The following ATP9B variants were observed in gnomAD, a reference collection of about 807,000 sequenced individuals.
ATP9B encodes probable phospholipid-transporting ATPase IIB.
Under a neutral mutation model 146.1 loss-of-function variants are expected in ATP9B, and 110 were observed. The observed-to-expected ratio is 0.75, with a 90% CI of 0.65 to 0.88. The LOEUF is 0.88. Among genes scored for constraint, ATP9B ranks in the 40% least tolerant of loss-of-function variants. ATP9B has a pLI of 0.00. For synonymous variants in ATP9B, 604 were observed against 569.7 expected, an observed-to-expected ratio of 1.06 and a Z score of -0.86; for missense variants, 1,499 against 1,496.4, an observed-to-expected ratio of 1.00 and a Z score of -0.03.
In ATP9B at chr18:79,347,806, A is replaced by G. The variant is rs2096898626; in HGVS notation, c.2719A>G (p.Ile907Val). Residue 907 changes from isoleucine (I) to valine (V), a missense_variant, in exon 24 of 30, where the codon ATC becomes GTC. By Grantham distance (29) the Ile-to-Val change is conservative (BLOSUM62 3). Coordinates refer to ENST00000426216, the MANE Select transcript of ATP9B (RefSeq NM_198531.5). ...KQASLAADFS[I>V]TQFRHIGRLL... ...GGCCTCGCTGGCGGCCGACTTCTCC[A>G]TCACGCAGTTCCGGCACATAGGCAG... is the stretch of plus-strand genomic sequence containing the variant. The G allele has an allele frequency of 5.0e-6, 8 of 1,607,446 alleles. No individual in the cohort carries two copies. Among genetic ancestry groups the G allele is most frequent in the East Asian group, 2.2e-5 (1 of 44,510 alleles).
intron 15 of ATP9B, among the ~76,000 whole-genome samples, chr18:79,328,934 G>A (rs1011702373): frequency 6.6e-6 from 1 of 152,180 alleles, no homozygotes; most frequent in African/African-American, 2.4e-5. Flanking sequence ...ATAATACCAA[G>A]TGACTTTTGT....
intron 26 of ATP9B, among the ~76,000 whole-genome samples, chr18:79,367,247 A>C (rs1306091945): frequency 6.2e-5 from 8 of 128,802 alleles, no homozygotes; most frequent in African/African-American, 1.8e-4. Context: ...ACATATCTTC[A>C]CCTCCACCGT....
chr18:79,069,405 C>T lies in ATP9B; in HGVS notation c.-6C>T, dbSNP rs1279483686. The T allele has an allele frequency of 4.0e-6, 6 of 1,487,076 alleles. No homozygotes were observed. Among genetic ancestry groups the T allele is most frequent in the Admixed American group, 2.5e-5 (1 of 40,800 alleles). 92.1% of individuals were successfully genotyped at this position (1,487,076 alleles called of 1,614,324 possible). On this transcript the variant is annotated 5_prime_UTR_variant, in exon 1 of 30. Transcript: ENST00000426216. ...GTGGGAGGGGCGGGAAAGGGGCGGTCGGAACATGGCGGACCAGATCCCGCT... is the reference window on the plus strand; with the variant it reads ...GTGGGAGGGGCGGGAAAGGGGCGGTTGGAACATGGCGGACCAGATCCCGCT...
chr18:79,144,735 A>ATTATTAT (rs1192156193), intron 6 of ATP9B: 1 of 85,388 alleles, frequency 1.2e-5, no homozygotes, highest in East Asian at 5.2e-4. Flanking sequence ...TTTTTGTTTT[A>ATTATTAT]TTCTTATTTT....
At position 79,366,663 on chromosome 18, in the gene ATP9B, G is replaced by A. The variant is rs114868085; in HGVS notation, c.3013-6162G>A. ...GAGCATGACTTAGTAAACACACACAGTCCTAGGCCATACACCGAGTGGCTA... is the reference window on the plus strand; with the variant it reads ...GAGCATGACTTAGTAAACACACACAATCCTAGGCCATACACCGAGTGGCTA... On this transcript the variant is annotated intron_variant, in intron 26 of 29. Coordinates refer to ENST00000426216, the MANE Select transcript of ATP9B (RefSeq NM_198531.5). Among the ~76,000 whole-genome samples, 985 of 152,316 alleles carry A rather than the reference G, an allele frequency of 6.5e-3. 5 individuals are homozygous for A. Among genetic ancestry groups the A allele is most frequent in the African/African-American group, 0.022 (922 of 41,556 alleles).
At chr18:79,229,572 C>T (rs2095769799) in intron 11 of ATP9B, among the ~76,000 whole-genome samples, 1 of 152,222 alleles carries the variant, frequency 6.6e-6, no homozygotes, top group Non-Finnish European at 1.5e-5. Flanking sequence ...CATGAGGCGT[C>T]TCCCCCGTCC....
At chr18:79,276,936 C>A in intron 12 of ATP9B, 118 bp from the exon 13 acceptor site, 1 of 1,468,290 alleles carries the variant, frequency 6.8e-7, no homozygotes, top group Non-Finnish European at 9.3e-7. Context: ...TGGGTATGAA[C>A]TTGGACATGG....
chr18:79,245,785 C>T lies in ATP9B; in HGVS notation c.1108-7596C>T, dbSNP rs368051710. 1.7e-3 allele frequency among the ~76,000 whole-genome samples: 246 copies of T among 145,420 alleles called. 2 individuals carry two copies. The highest frequency in any genetic ancestry group is 4.4e-3 in the South Asian group (20 of 4,498). ...ACCGCCCTACTGACTGAGGAGGGCA[C>T]CACCCTACTGACTGAGGAGGGTACC... On this transcript the variant is annotated intron_variant, in intron 11 of 29. Transcript: ENST00000426216.
At chr18:79,137,725 G>A (rs2094464726) in intron 5 of ATP9B, among the ~76,000 whole-genome samples, 1 of 152,120 alleles carries the variant, frequency 6.6e-6, no homozygotes, top group Non-Finnish European at 1.5e-5. Flanking sequence ...GCCTGTTCGT[G>A]GCCTCCGCAC....
chr18:79,232,786 A>G (rs1020419945), intron 11 of ATP9B, among the ~76,000 whole-genome samples: 2 of 152,188 alleles, frequency 1.3e-5, no homozygotes, highest in African/African-American at 4.8e-5. Context: ...TGGAAACCCA[A>G]AGAATCAAAA....
chr18:79,179,142 C>T (rs1290984389), intron 8 of ATP9B, among the ~76,000 whole-genome samples: 4 of 152,052 alleles, frequency 2.6e-5, no homozygotes, highest in Non-Finnish European at 5.9e-5. Flanking sequence ...TCATAATATT[C>T]CATTATTTTT....
At chr18:79,155,026 A>G (rs913866405) in intron 7 of ATP9B, among the ~76,000 whole-genome samples, 9 of 152,238 alleles carry the variant, frequency 5.9e-5, no homozygotes, top group African/African-American at 2.2e-4. Flanking sequence ...CTGACATCTA[A>G]TTAAATGATG....
chr18:79,284,798 G>C (rs2096418173), intron 13 of ATP9B, among the ~76,000 whole-genome samples: 1 of 123,870 alleles, frequency 8.1e-6, no homozygotes, highest in Non-Finnish European at 1.6e-5. Flanking sequence ...AGTCCCCAGA[G>C]TGTGATGTTC....
chr18:79,150,792 C>T (rs998906476), intron 6 of ATP9B, among the ~76,000 whole-genome samples: 2 of 152,058 alleles, frequency 1.3e-5, no homozygotes, highest in African/African-American at 2.4e-5. Context: ...GAATTTGAGA[C>T]GAGCCTGGAC....
chr18:79,200,285 T>C lies in ATP9B; in HGVS notation c.955-6652T>C, dbSNP rs2095456486. 3.3e-5 allele frequency among the ~76,000 whole-genome samples: 5 copies of C among 152,348 alleles called. No homozygotes were observed. The South Asian group carries it at 1.0e-3, about 32-fold the overall frequency. On this transcript the variant is annotated intron_variant, in intron 9 of 29. Coordinates refer to ENST00000426216, the MANE Select transcript of ATP9B (RefSeq NM_198531.5). ...TCCACTGTCTACTGAAATGTTGTTA[T>C]GTTGTACACGATTGTACCTGAAGCA...
intron 11 of ATP9B, among the ~76,000 whole-genome samples, chr18:79,226,573 GT>G (rs1568444811): frequency 6.6e-6 from 1 of 152,228 alleles, no homozygotes; most frequent in African/African-American, 2.4e-5. Context: ...CATGATAACC[GT>G]TTGCTTAGGT....
At chr18:79,132,820 T>C (rs1440715224) in intron 5 of ATP9B, among the ~76,000 whole-genome samples, 1 of 152,190 alleles carries the variant, frequency 6.6e-6, no homozygotes, top group African/African-American at 2.4e-5. Flanking sequence ...CACATTCTTA[T>C]AGAAGTAAAC....
At chr18:79,353,585 G>C (rs539402021) in intron 25 of ATP9B, 1 of 152,332 alleles carries the variant, frequency 6.6e-6, no homozygotes, top group East Asian at 1.9e-4. Context: ...CACCCAGAGA[G>C]AATAGCCAGG....
At chr18:79,151,829 C>T (rs1311005120) in intron 6 of ATP9B, among the ~76,000 whole-genome samples, 1 of 151,932 alleles carries the variant, frequency 6.6e-6, no homozygotes, top group Non-Finnish European at 1.5e-5. Context: ...CCCATCAACC[C>T]GTCGTCTACA....
Sources: gnomAD v4.1 joint callset for allele counts (sites outside exome capture counted in the v4.1 genomes callset) on GRCh38, gnomAD v4.1.1 for gene constraint, MANE v1.5 for transcripts, NCBI Gene and HGNC (gene_info 2026-07-23, HGNC 2026-07-21) for gene names.